Variants in RADIL observed in about 807,000 individuals in gnomAD.
RADIL encodes ras-associating and dilute domain-containing protein.
In RADIL, 99 loss-of-function variants were observed where a neutral mutation model predicts 97.6. The ratio of observed to expected loss-of-function variants is 1.01; its 90% CI spans 0.86 to 1.20. The LOEUF (loss-of-function observed/expected upper bound fraction) is 1.20, where lower values mean the gene tolerates loss of function less well. Ranked by LOEUF, RADIL falls within the 50% of genes most tolerant of loss-of-function variation. The probability of loss-of-function intolerance (pLI) is 0.00; values close to 1 mark genes in which losing one functional copy is unlikely to be tolerated. For missense variants in RADIL, 1,765 were observed against 1,498.9 expected (o/e 1.18, Z -2.93); for synonymous variants, 803 against 691.8 (o/e 1.16, Z -2.52).
intron 9 of RADIL, chr7:4,811,393 T>C (rs538842422): frequency 3.9e-5 from 6 of 152,322 alleles, no homozygotes; most frequent in Non-Finnish European, 7.4e-5. Flanking sequence ...AGTTTTGCTG[T>C]CAAGGTATTA....
At position 4,798,637 on chromosome 7, in the gene RADIL, G is replaced by A. The variant is rs934663179; in HGVS notation, c.*741C>T. The A allele has an allele frequency of 1.3e-5, 2 of 152,490 alleles. No individual in the cohort carries two copies. Among genetic ancestry groups the A allele is most frequent in the African/African-American group, 4.8e-5 (2 of 41,448 alleles). 9.4% of individuals were successfully genotyped at this position (152,490 alleles called of 1,614,324 possible). On this transcript the variant is annotated 3_prime_UTR_variant, in exon 15 of 15. Transcript: ENST00000399583. ...TGCCCGGGTTAGGGCCGGTGGCCAGGGGGACGCTGGTGAGGATTAAGGGCC... is the reference window on the plus strand; with the variant it reads ...TGCCCGGGTTAGGGCCGGTGGCCAGAGGGACGCTGGTGAGGATTAAGGGCC...
At chr7:4,807,425 G>T (rs895191987) in intron 9 of RADIL, among the ~76,000 whole-genome samples, 1 of 151,850 alleles carries the variant, frequency 6.6e-6, no homozygotes, top group Non-Finnish European at 1.5e-5. Context: ...CAGAGGTCGG[G>T]GCCAAGAGAT....
chr7:4,864,893 C>A (rs910309335), intron 2 of RADIL, among the ~76,000 whole-genome samples: 2 of 152,216 alleles, frequency 1.3e-5, no homozygotes, highest in African/African-American at 4.8e-5. Flanking sequence ...CTTTTAATCC[C>A]TCCAATGACC....
intron 1 of RADIL, among the ~76,000 whole-genome samples, chr7:4,881,197 C>CTT (rs1386799429): frequency 8.2e-5 from 12 of 145,670 alleles, no homozygotes; most frequent in South Asian, 4.5e-4. Context: ...GGGCAGATCA[C>CTT]GAGGTCAGCA....
At chr7:4,809,325 C>T in intron 9 of RADIL, 1 of 985,310 alleles carries the variant, frequency 1.0e-6, no homozygotes, top group Non-Finnish European at 1.2e-6. Flanking sequence ...GTTTCCCTAG[C>T]CAGGAGAAGT....
Position 4,877,996 on chromosome 7 carries a change from G to T in RADIL, c.144C>A (p.Ala48=). 6.2e-7 allele frequency: 1 copy of T among 1,609,150 alleles called. No homozygotes were observed. The highest frequency in any genetic ancestry group is 1.1e-5 in the South Asian group (1 of 90,802). ...DLDSTFSSLG[A]SDDPAELSTQ... ...TGGAGAGCTCGGCGGGGTCATCGCT[G>T]GCGCCCAGGCTGGAGAAGGTGGAGT... Residue 48 remains alanine, a synonymous_variant, in exon 2 of 15, where the codon GCC becomes GCA. Coordinates refer to ENST00000399583, the MANE Select transcript of RADIL (RefSeq NM_018059.5).
chr7:4,806,855 G>T (rs899722843), intron 9 of RADIL, among the ~76,000 whole-genome samples: 1 of 152,128 alleles, frequency 6.6e-6, no homozygotes, highest in Non-Finnish European at 1.5e-5. Flanking sequence ...TGTGACTCCC[G>T]TGCTGCTCGT....
rs370155844 is a variant in RADIL at position 4,805,592 on chromosome 7, T to G, written c.2264A>C (p.Gln755Pro). The change falls in exon 10 of 15, where the codon CAG (glutamine) becomes CCG (proline). Residue 755 changes from glutamine (Q) to proline (P), a missense_variant. Coordinates refer to ENST00000399583, the MANE Select transcript of RADIL (RefSeq NM_018059.5). ...GPMSTWEPGA[Q>P]DSPEAFRSED... ...TGACCTGAAGGCCTCGGGGCTGTCC[T>G]GGGCCCCTGGCTCCCAGGTGCTCAT... is the stretch of plus-strand genomic sequence containing the variant. The G allele has an allele frequency of 1.6e-5, 26 of 1,611,304 alleles. No individual in the cohort carries two copies. In the African/African-American group the frequency reaches 3.1e-4, roughly 19 times the overall value.
intron 2 of RADIL, chr7:4,865,702 G>A (rs1008417071): frequency 1.2e-5 from 12 of 1,005,158 alleles, no homozygotes; most frequent in African/African-American, 6.4e-5. Flanking sequence ...GGCAGCATCT[G>A]TGATTCCATC....
chr7:4,862,183 T>C (rs970982711), intron 2 of RADIL, among the ~76,000 whole-genome samples: 2 of 152,250 alleles, frequency 1.3e-5, no homozygotes, highest in African/African-American at 2.4e-5. Context: ...AACTCAACCC[T>C]TTATTGCCAC....
intron 2 of RADIL, chr7:4,861,945 G>T: frequency 2.0e-6 from 1 of 493,080 alleles, no homozygotes; most frequent in Non-Finnish European, 3.4e-6. Context: ...CACTCCCGCT[G>T]CGCGCCCGCC....
chr7:4,805,428 G>A, intron 10 of RADIL, 138 bp downstream of exon 10: 1 of 1,118,160 alleles, frequency 8.9e-7, no homozygotes. Flanking sequence ...CCTCTGGGTG[G>A]AGGCTCCTCC....
Position 4,805,630 on chromosome 7 carries a change from C to G in RADIL, c.2226G>C (p.Ser742=). Residue 742 remains serine, a synonymous_variant, in exon 10 of 15, where the codon TCG becomes TCC. Coordinates refer to ENST00000399583, the MANE Select transcript of RADIL (RefSeq NM_018059.5). The stretch of plus-strand genomic sequence containing the variant: ...CCCAGGTGCTCATGGGGCCCATGGC[C>G]GAGGCCAGCTGGTAGTGAGTCAGCA... ...HRLLTHYQLA[S]AMGPMSTWEP... is the part of the protein sequence containing the mutation. 1 of 1,611,708 alleles carries G rather than the reference C, an allele frequency of 6.2e-7. No individual in the cohort carries two copies. Among genetic ancestry groups the G allele is most frequent in the Non-Finnish European group, 8.5e-7 (1 of 1,179,876 alleles).
At position 4,801,912 on chromosome 7, in the gene RADIL, C is replaced by T; in HGVS notation, c.2583G>A (p.Arg861=). 1 of 1,568,784 alleles carries T rather than the reference C, an allele frequency of 6.4e-7. No homozygotes were observed. Among genetic ancestry groups the T allele is most frequent in the Non-Finnish European group, 8.6e-7 (1 of 1,158,772 alleles). ...LAPRDPGPAA[R]EVAPERTLPL... Reference sequence around the variant, plus strand: ...GAAGAGTACGCTCCGGGGCCACTTCCCGGGCTGCTGGGCCAGGGTCCCTGG... The same window carrying T: ...GAAGAGTACGCTCCGGGGCCACTTCTCGGGCTGCTGGGCCAGGGTCCCTGG... The change falls in exon 12 of 15, where the codon CGG becomes CGA. Residue 861 remains arginine (R), a synonymous_variant. Coordinates refer to ENST00000399583, the MANE Select transcript of RADIL (RefSeq NM_018059.5).
At chr7:4,808,837 C>T (rs1782436605) in intron 9 of RADIL, 2 of 947,498 alleles carry the variant, frequency 2.1e-6, no homozygotes, top group Non-Finnish European at 2.5e-6. Flanking sequence ...ACTGCCCCTC[C>T]GCGTCTCCTT....
Position 4,834,732 on chromosome 7 carries a change from C to A in RADIL, c.1291G>T (p.Asp431Tyr). 1 of 1,411,220 alleles carries A rather than the reference C, an allele frequency of 7.1e-7. No individual in the cohort carries two copies. The highest frequency in any genetic ancestry group is 1.8e-5 in the South Asian group (1 of 55,782). 87.4% of individuals were successfully genotyped at this position (1,411,220 alleles called of 1,614,324 possible). A position where few individuals can be genotyped will look rare whatever the true frequency, so the allele number is the denominator to read the frequency against. ...IMTLIEPGGD[D>Y]HKLTPAFLLC... Reference sequence around the variant, plus strand: ...AGGAAGGCGGGGGTCAGCTTGTGGTCGTCGCCCCCCGGCTCGATCAACGTC... The same window carrying A: ...AGGAAGGCGGGGGTCAGCTTGTGGTAGTCGCCCCCCGGCTCGATCAACGTC... The change falls in exon 4 of 15, where the codon GAC (aspartate) becomes TAC (tyrosine). Residue 431 changes from aspartate (D) to tyrosine (Y), a missense_variant. Physicochemically the swap from Asp to Tyr is radical, Grantham distance 160. Coordinates refer to ENST00000399583, the MANE Select transcript of RADIL (RefSeq NM_018059.5). This position sits in a 1 kb window ranked among gnomAD's most constrained non-coding sequence, Gnocchi z 6.0.
intron 5 of RADIL, among the ~76,000 whole-genome samples, chr7:4,826,030 T>A (rs1201252070): frequency 6.7e-6 from 1 of 149,450 alleles, no homozygotes; most frequent in Non-Finnish European, 1.5e-5. Flanking sequence ...ATCACTTGAG[T>A]CTTGTCTCTA....
chr7:4,820,049 G>T (rs530926921), intron 6 of RADIL, among the ~76,000 whole-genome samples: 1 of 152,372 alleles, frequency 6.6e-6, no homozygotes, highest in Non-Finnish European at 1.5e-5. Context: ...GGACTCTCCA[G>T]GAACACAGAG....
chr7:4,862,180 C>T lies in RADIL; in HGVS notation c.535+15425G>A, dbSNP rs188853115. ...GTTGTTGATGACCGGCCAAACTCAA[C>T]CCTTTATTGCCACTATTTTACATAT... On this transcript the variant is annotated intron_variant, in intron 2 of 14. Coordinates refer to ENST00000399583, the MANE Select transcript of RADIL (RefSeq NM_018059.5). Among the ~76,000 whole-genome samples, 10 of 152,358 alleles carry T rather than the reference C, an allele frequency of 6.6e-5. No individual in the cohort carries two copies. In the East Asian group the frequency reaches 1.5e-3, roughly 24 times the overall value.
Sources: gnomAD v4.1 joint callset for allele counts (sites outside exome capture counted in the v4.1 genomes callset) on GRCh38, gnomAD v4.1.1 for gene constraint, Gnocchi (gnomAD v3.1) non-coding constraint, MANE v1.5 for transcripts, NCBI Gene and HGNC (gene_info 2026-07-23, HGNC 2026-07-21) for gene names.